Variants in CUL2 observed in about 807,000 individuals in gnomAD.
CUL2 encodes the protein cullin-2.
CUL2 carries 22 observed loss-of-function variants against 110.2 expected under a neutral mutation model. The ratio of observed to expected loss-of-function variants is 0.20; its 90% CI spans 0.14 to 0.28. The LOEUF is 0.28. CUL2 is among the 10% of genes least tolerant of loss of function. The pLI is 1.00. For synonymous variants in CUL2, 279 were observed against 293.2 expected (o/e 0.95, Z 0.49); for missense variants, 631 against 905.5 (o/e 0.70, Z 3.89).
chr10:35,011,831 G>A lies in CUL2; in HGVS notation c.2106+17C>T, dbSNP rs921789085. On this transcript the variant is annotated intron_variant, in intron 20 of 20. Coordinates refer to ENST00000374749, the MANE Select transcript of CUL2 (RefSeq NM_003591.4). ...GCCCTCTACCCTAAGAAGCCCTGAG[G>A]ACTGCCCTCCTTTTACCTCTTGAAT... The A allele has an allele frequency of 7.1e-7, 1 of 1,416,844 alleles. No individual in the cohort carries two copies. 87.8% of individuals were successfully genotyped at this position (1,416,844 alleles called of 1,614,324 possible).
chr10:35,074,133 T>A, intron 1 of CUL2: 1 of 1,499,538 alleles, frequency 6.7e-7, no homozygotes, highest in Non-Finnish European at 9.0e-7. Context: ...AACAAAGTTC[T>A]TGACTTCAAG....
intron 1 of CUL2, among the ~76,000 whole-genome samples, chr10:35,116,019 T>C (rs750406676): frequency 4.0e-5 from 6 of 151,818 alleles, no homozygotes; most frequent in Non-Finnish European, 8.8e-5. Flanking sequence ...ATGATATCAC[T>C]ACAGATCTGA....
chr10:35,037,466 C>A lies in CUL2; in HGVS notation c.877+1454G>T, dbSNP rs78817015. 6.9e-3 allele frequency among the ~76,000 whole-genome samples: 1,051 copies of A among 152,310 alleles called. 14 individuals are homozygous for A. Among genetic ancestry groups the A allele is most frequent in the Non-Finnish European group, 7.8e-3 (529 of 68,034 alleles). Reference sequence around the variant, plus strand: ...TGGTCATTAAAGTCTTTCCATCATACTCTTCAAGACAGTGACTTTCGGAAT... The same window carrying A: ...TGGTCATTAAAGTCTTTCCATCATAATCTTCAAGACAGTGACTTTCGGAAT... On this transcript the variant is annotated intron_variant, in intron 9 of 20. Transcript: ENST00000374749.
chr10:35,041,847 T>C (rs1022100122), intron 8 of CUL2, among the ~76,000 whole-genome samples: 1 of 152,172 alleles, frequency 6.6e-6, no homozygotes, highest in African/African-American at 2.4e-5. Context: ...TGAAATAAGC[T>C]TTTCTAATAA....
exon 2 of CUL2, chr10:35,101,044 T>C (rs1370589128): frequency 3.3e-5 from 5 of 152,160 alleles, no homozygotes; most frequent in Non-Finnish European, 7.3e-5. Context: ...CAATCAGGAA[T>C]GGAGAGTGCC....
At chr10:35,057,404 C>T (rs2086264310) in intron 4 of CUL2, among the ~76,000 whole-genome samples, 1 of 152,036 alleles carries the variant, frequency 6.6e-6, no homozygotes, top group African/African-American at 2.4e-5. Context: ...TGTCTGTAAT[C>T]CTGGCACTTT....
chr10:35,028,945 T>A, intron 15 of CUL2, 58 bp from the exon 16 acceptor site: 1 of 1,022,606 alleles, frequency 9.8e-7, no homozygotes, highest in Non-Finnish European at 1.4e-6. Flanking sequence ...AAATTCAAAG[T>A]AAATATTTAT....
chr10:35,025,735 C>T (rs1444341978), intron 16 of CUL2, among the ~76,000 whole-genome samples: 1 of 152,088 alleles, frequency 6.6e-6, no homozygotes, highest in Non-Finnish European at 1.5e-5. Context: ...TTTAAACATT[C>T]CTCCCTGGAC....
At chr10:35,083,535 G>A (rs537512744) in intron 1 of CUL2, among the ~76,000 whole-genome samples, 2 of 152,258 alleles carry the variant, frequency 1.3e-5, no homozygotes, top group African/African-American at 4.8e-5. Context: ...ATTGATTCCA[G>A]GGCTGAAGCA....
At chr10:35,099,041 GA>G (rs2087340042) in intron 2 of CUL2, among the ~76,000 whole-genome samples, 1 of 152,150 alleles carries the variant, frequency 6.6e-6, no homozygotes, top group South Asian at 2.1e-4. Context: ...CTAATTCACA[GA>G]AAGAACAAAT....
intron 1 of CUL2, among the ~76,000 whole-genome samples, chr10:35,117,869 CTTTGT>C (rs1265550220): frequency 6.6e-6 from 1 of 152,150 alleles, no homozygotes; most frequent in African/African-American, 2.4e-5. Flanking sequence ...AAAAAACTGT[CTTTGT>C]TTTCTTAATA....
In CUL2 at chr10:35,035,440, C is replaced by A. The variant is rs184994565; in HGVS notation, c.878-144G>T. On this transcript the variant is annotated intron_variant, in intron 9 of 20. Transcript: ENST00000374749. ...GTCCCCCATGCCCACCTCCCAGCCA[C>A]CCAAGCCCCTCTCCCCACAGGAAAG... 9.8e-4 allele frequency: 701 copies of A among 716,314 alleles called. 8 individuals are homozygous for A. The African/African-American group carries it at 0.012, about 12-fold the overall frequency. 44.4% of individuals were successfully genotyped at this position (716,314 alleles called of 1,614,324 possible).
chr10:35,038,705 A>G lies in CUL2; in HGVS notation c.877+215T>C, dbSNP rs1487773466. The stretch of plus-strand genomic sequence containing the variant: ...GCTCTTGTAATATATAAAAATGTAT[A>G]AACACAATTTCCCACTTTTTCTTCT... On this transcript the variant is annotated intron_variant, in intron 9 of 20. Coordinates refer to ENST00000374749, the MANE Select transcript of CUL2 (RefSeq NM_003591.4). Among the ~76,000 whole-genome samples, 6 of 151,984 alleles carry G rather than the reference A, an allele frequency of 3.9e-5. No individual in the cohort carries two copies. The South Asian group carries it at 6.2e-4, about 16-fold the overall frequency.
Position 35,071,185 on chromosome 10 carries a change from C to T in CUL2, c.119+14G>A, listed in dbSNP as rs1362369468. On this transcript the variant is annotated intron_variant, in intron 2 of 20. Coordinates refer to ENST00000374749, the MANE Select transcript of CUL2 (RefSeq NM_003591.4). ...AATTTTAGAACATTGATCAAGCTGC[C>T]ATTAAAAGGATACGAGAAACGGTCA... 1 of 1,608,742 alleles carries T rather than the reference C, an allele frequency of 6.2e-7. No homozygotes were observed. The highest frequency in any genetic ancestry group is 2.2e-5 in the East Asian group (1 of 44,790).
chr10:35,098,789 C>G (rs532235089), intron 2 of CUL2, among the ~76,000 whole-genome samples: 1 of 152,128 alleles, frequency 6.6e-6, no homozygotes, highest in Non-Finnish European at 1.5e-5. Flanking sequence ...AAAAAATTAG[C>G]TGGGCACGGT....
intron 5 of CUL2, among the ~76,000 whole-genome samples, chr10:35,054,036 T>C (rs1174451439): frequency 6.6e-6 from 1 of 152,074 alleles, no homozygotes; most frequent in Non-Finnish European, 1.5e-5. Flanking sequence ...TGTTTCACTC[T>C]GAATTTAATT....
intron 1 of CUL2, among the ~76,000 whole-genome samples, chr10:35,116,246 G>A (rs919365705): frequency 7.9e-5 from 12 of 152,062 alleles, no homozygotes; most frequent in Admixed American, 4.6e-4. Flanking sequence ...CGGAGGCTGA[G>A]GCACAAGAAT....
chr10:35,073,106 G>A (rs2086724188), intron 1 of CUL2, among the ~76,000 whole-genome samples: 1 of 152,052 alleles, frequency 6.6e-6, no homozygotes, highest in African/African-American at 2.4e-5. Flanking sequence ...GGAAAAGAAT[G>A]AAAAAAATCA....
chr10:35,105,967 C>G (rs1315264116), intron 1 of CUL2, among the ~76,000 whole-genome samples: 2 of 152,106 alleles, frequency 1.3e-5, no homozygotes, highest in Admixed American at 6.6e-5. Context: ...CCAACAATCA[C>G]TGAAGTAACA....
Sources: gnomAD v4.1 joint callset for allele counts (sites outside exome capture counted in the v4.1 genomes callset) on GRCh38, gnomAD v4.1.1 for gene constraint, MANE v1.5 for transcripts, NCBI Gene and HGNC (gene_info 2026-07-23, HGNC 2026-07-21) for gene names.